The following TXNDC16 variants were observed in gnomAD, a reference collection of about 807,000 sequenced individuals.
TXNDC16 encodes thioredoxin domain-containing protein 16.
Under a neutral mutation model 85.6 loss-of-function variants are expected in TXNDC16, and 74 were observed. That is an observed-to-expected ratio of 0.86 (90% CI 0.72 to 1.05). The LOEUF (loss-of-function observed/expected upper bound fraction) is 1.05. Ranked by LOEUF, TXNDC16 falls within the 50% of genes least tolerant of loss-of-function variation. TXNDC16 has a pLI of 0.00. For synonymous variants in TXNDC16, 335 were observed against 326.5 expected, an observed-to-expected ratio of 1.03 and a Z score of -0.28; for missense variants, 959 against 947.0, an observed-to-expected ratio of 1.01 and a Z score of -0.17.
intron 9 of TXNDC16, among the ~76,000 whole-genome samples, chr14:52,504,822 G>T (rs8010762): frequency 6.6e-6 from 1 of 151,964 alleles, no homozygotes; most frequent in Non-Finnish European, 1.5e-5. Flanking sequence ...TATTCAGGAA[G>T]CCCATCTCAT....
chr14:52,509,541 T>C (rs936876652), intron 9 of TXNDC16, among the ~76,000 whole-genome samples: 3 of 151,968 alleles, frequency 2.0e-5, no homozygotes, highest in Non-Finnish European at 4.4e-5. Context: ...AGAAAAAAGT[T>C]ACTTAAAGAA....
intron 12 of TXNDC16, among the ~76,000 whole-genome samples, chr14:52,484,667 G>A (rs1180469995): frequency 6.6e-6 from 1 of 152,068 alleles, no homozygotes; most frequent in Non-Finnish European, 1.5e-5. Flanking sequence ...ATCACTTGAG[G>A]TCAGGAGTTC....
rs1289781945 is a variant in TXNDC16 at position 52,506,705 on chromosome 14, C to T, written c.756+4535G>A. On this transcript the variant is annotated intron_variant, in intron 9 of 20. Coordinates refer to ENST00000281741, the MANE Select transcript of TXNDC16 (RefSeq NM_020784.3). ...CCGAGTAGCTGGGACTACAGGCGCC[C>T]GCCACCGCGCCCGGCTAATTTTCTG... Among the ~76,000 whole-genome samples, 18 of 143,026 alleles carry T rather than the reference C, an allele frequency of 1.3e-4. 1 individual carries two copies. The highest frequency in any genetic ancestry group is 9.2e-4 in the Admixed American group (13 of 14,084). 93.8% of individuals were successfully genotyped at this position (143,026 alleles called of 152,430 possible).
intron 11 of TXNDC16, among the ~76,000 whole-genome samples, chr14:52,489,840 T>C (rs2036359277): frequency 6.6e-6 from 1 of 152,186 alleles, no homozygotes; most frequent in African/African-American, 2.4e-5. Context: ...CTGTTTTATC[T>C]TGTTTATTTT....
intron 14 of TXNDC16, among the ~76,000 whole-genome samples, chr14:52,473,068 T>A (rs2035945390): frequency 6.6e-6 from 1 of 152,178 alleles, no homozygotes; most frequent in South Asian, 2.1e-4. Flanking sequence ...CATACCTGAC[T>A]GAAGCAATCT....
rs889158799 is a variant in TXNDC16, at chr14:52,511,154, C to T, written c.756+86G>A. The T allele has an allele frequency of 4.0e-6, 5 of 1,237,950 alleles. No individual in the cohort carries two copies. The African/African-American group carries it at 6.2e-5, about 15-fold the overall frequency. 76.7% of individuals were successfully genotyped at this position (1,237,950 alleles called of 1,614,324 possible). ...CATGCATCTATAAATCAAAACTTAACAAATTTTATGTTAAAATAAGACACA... is the reference window on the plus strand; with the variant it reads ...CATGCATCTATAAATCAAAACTTAATAAATTTTATGTTAAAATAAGACACA... On this transcript the variant is annotated intron_variant, in intron 9 of 20. Coordinates refer to ENST00000281741, the MANE Select transcript of TXNDC16 (RefSeq NM_020784.3).
intron 14 of TXNDC16, among the ~76,000 whole-genome samples, 198 bp from the exon 15 acceptor site, chr14:52,470,878 G>C (rs1397280677): frequency 6.6e-6 from 1 of 151,770 alleles, no homozygotes; most frequent in Non-Finnish European, 1.5e-5. Context: ...TCTCCTTTTT[G>C]TTCCCTTTTG....
At position 52,537,070 on chromosome 14, in the gene TXNDC16, TCA is replaced by T. The variant is rs58583503; in HGVS notation, c.318-279_318-278del. Among the ~76,000 whole-genome samples, 912 of 147,098 alleles carry T rather than the reference TCA, an allele frequency of 6.2e-3. 12 individuals are homozygous for T. Among genetic ancestry groups the T allele is most frequent in the African/African-American group, 0.018 (736 of 40,102 alleles). ...TCCTACCAGTCTCCCCAACTCACAA[TCA>T]CACACACACACACACACACACACAC... On this transcript the variant is annotated intron_variant, in intron 5 of 20. Transcript: ENST00000281741.
In TXNDC16 at chr14:52,471,869, G is replaced by A. The variant is rs1411019049; in HGVS notation, c.1313-1189C>T. 4.0e-5 allele frequency among the ~76,000 whole-genome samples: 6 copies of A among 151,246 alleles called. No homozygotes were observed. The East Asian group carries it at 1.2e-3, about 29-fold the overall frequency. On this transcript the variant is annotated intron_variant, in intron 14 of 20. Transcript: ENST00000281741. ...TCTCTAAAATATTATAAATCACTGT[G>A]TGGAAAGAGATCAAACACTAAATAA...
At chr14:52,545,802 A>C (rs1184448377) in intron 1 of TXNDC16, among the ~76,000 whole-genome samples, 4 of 152,218 alleles carry the variant, frequency 2.6e-5, no homozygotes, top group African/African-American at 9.6e-5. Flanking sequence ...TGGACATTTC[A>C]CATGCATGGA....
chr14:52,518,748 A>T (rs115355397), intron 7 of TXNDC16, among the ~76,000 whole-genome samples: 2,337 of 151,412 alleles, frequency 0.015, 48 homozygotes, highest in African/African-American at 0.053. Flanking sequence ...TAAGGAAATT[A>T]AAAAAAAATA....
At chr14:52,524,414 A>G (rs2037279353) in intron 6 of TXNDC16, among the ~76,000 whole-genome samples, 1 of 152,206 alleles carries the variant, frequency 6.6e-6, no homozygotes, top group Non-Finnish European at 1.5e-5. Flanking sequence ...CTTAATAAAG[A>G]GTTAATGAGA....
chr14:52,455,184 G>A, intron 18 of TXNDC16, 140 bp downstream of exon 18: 1 of 931,930 alleles, frequency 1.1e-6, no homozygotes, highest in Non-Finnish European at 1.6e-6. Context: ...CAATAAAACA[G>A]AACAATCCAG....
chr14:52,530,374 AAT>A (rs2037498976), intron 6 of TXNDC16, among the ~76,000 whole-genome samples: 1 of 30,100 alleles, frequency 3.3e-5, no homozygotes, highest in African/African-American at 1.8e-4. Flanking sequence ...ATTATTATAT[AAT>A]ATTATATATA....
At chr14:52,463,158 T>TAA (rs2035691459) in intron 16 of TXNDC16, among the ~76,000 whole-genome samples, 1 of 151,166 alleles carries the variant, frequency 6.6e-6, no homozygotes, top group South Asian at 2.1e-4. Context: ...CTGGACCCAG[T>TAA]CCAGTTTCTG....
At chr14:52,449,788 A>G (rs1421756435) in intron 18 of TXNDC16, among the ~76,000 whole-genome samples, 1 of 152,170 alleles carries the variant, frequency 6.6e-6, no homozygotes, top group Non-Finnish European at 1.5e-5. Context: ...CTAGAAATCA[A>G]TAACAAGAGC....
intron 20 of TXNDC16, 57 bp downstream of exon 20, chr14:52,439,147 T>C: frequency 6.6e-7 from 1 of 1,509,646 alleles, no homozygotes; most frequent in Non-Finnish European, 9.1e-7. Flanking sequence ...ATTTAGAGTT[T>C]AACATTTATG....
At chr14:52,437,665 C>T (rs1264934983) in intron 20 of TXNDC16, among the ~76,000 whole-genome samples, 1 of 152,116 alleles carries the variant, frequency 6.6e-6, no homozygotes, top group Non-Finnish European at 1.5e-5. Context: ...AACTACCTGT[C>T]TGACAAGGGA....
At chr14:52,440,850 A>G (rs2035148599) in intron 18 of TXNDC16, 126 bp from the exon 19 acceptor site, 2 of 833,072 alleles carry the variant, frequency 2.4e-6, no homozygotes, top group Non-Finnish European at 3.6e-6. Flanking sequence ...ATTTTCACTT[A>G]AGTAGAGATT....
Sources: gnomAD v4.1 joint callset for allele counts (sites outside exome capture counted in the v4.1 genomes callset) on GRCh38, gnomAD v4.1.1 for gene constraint, MANE v1.5 for transcripts, NCBI Gene and HGNC (gene_info 2026-07-23, HGNC 2026-07-21) for gene names.